NALF1: variants seen among roughly 807,000 people sequenced by gnomAD.
The protein encoded by NALF1 is family with sequence similarity 155 member A.
In NALF1, 3 loss-of-function variants were observed where a neutral mutation model predicts 48.4. The ratio of observed to expected loss-of-function variants is 0.06; its 90% confidence interval spans 0.03 to 0.16. The LOEUF is 0.16. Ranked by LOEUF, NALF1 falls within the 10% of genes least tolerant of loss-of-function variation. The pLI is 1.00. For missense variants in NALF1, 526 were observed against 571.5 expected (o/e 0.92, Z 0.81); for synonymous variants, 262 against 245.7 (o/e 1.07, Z -0.62).
intron 1 of NALF1, among the ~76,000 whole-genome samples, chr13:107,343,908 A>T (rs925028582): frequency 3.3e-5 from 5 of 152,098 alleles, no homozygotes; most frequent in African/African-American, 1.2e-4. Context: ...AAAAAATTAA[A>T]CACAGAGTTT....
chr13:107,737,632 G>A (rs1285869972), intron 1 of NALF1, among the ~76,000 whole-genome samples: 4 of 152,134 alleles, frequency 2.6e-5, no homozygotes, highest in Admixed American at 6.6e-5. Context: ...TAAATTTTAC[G>A]TAGCTTCATT....
At chr13:107,326,971 C>T (rs1882376012) in intron 1 of NALF1, among the ~76,000 whole-genome samples, 1 of 152,028 alleles carries the variant, frequency 6.6e-6, no homozygotes, top group Non-Finnish European at 1.5e-5. Context: ...TAGAGGATTC[C>T]CTCACATGAT....
chr13:107,727,668 A>G (rs566896848), intron 1 of NALF1, among the ~76,000 whole-genome samples: 1 of 152,342 alleles, frequency 6.6e-6, no homozygotes, highest in East Asian at 1.9e-4. Context: ...CAAAAGCCAA[A>G]ATTGAGAAAT....
intron 1 of NALF1, among the ~76,000 whole-genome samples, chr13:107,556,812 AT>A (rs1458300921): frequency 2.0e-5 from 3 of 152,146 alleles, no homozygotes; most frequent in Non-Finnish European, 4.4e-5. Context: ...GGCTCTGCTT[AT>A]CTGTCAAGTG....
chr13:107,348,320 A>G (rs1882810270), intron 1 of NALF1, among the ~76,000 whole-genome samples: 1 of 152,252 alleles, frequency 6.6e-6, no homozygotes, highest in Non-Finnish European at 1.5e-5. Context: ...TTTCATTTGC[A>G]TTAAAAGTGT....
chr13:107,800,253 A>C (rs1878564639), intron 1 of NALF1, among the ~76,000 whole-genome samples: 1 of 152,176 alleles, frequency 6.6e-6, no homozygotes, highest in Admixed American at 6.6e-5. Flanking sequence ...ATGAAAATTA[A>C]AGACTGAGCA....
chr13:107,226,527 T>C (rs1880111012), intron 1 of NALF1, among the ~76,000 whole-genome samples: 1 of 152,202 alleles, frequency 6.6e-6, no homozygotes, highest in Non-Finnish European at 1.5e-5. Flanking sequence ...ACAAAATGAG[T>C]ACATGACAAA....
At chr13:107,271,776 A>C (rs1331850742) in intron 1 of NALF1, among the ~76,000 whole-genome samples, 8 of 10,242 alleles carry the variant, frequency 7.8e-4, no homozygotes, top group South Asian at 4.7e-3. Flanking sequence ...CTACTGGACT[A>C]TATATATATA....
At chr13:107,623,471 C>T (rs930566649) in intron 1 of NALF1, among the ~76,000 whole-genome samples, 34 of 151,968 alleles carry the variant, frequency 2.2e-4, no homozygotes, top group Admixed American at 1.8e-3. Context: ...ATTACTCCCC[C>T]TGAGCCATCT....
At chr13:107,182,033 C>A (rs1232017906) in intron 2 of NALF1, among the ~76,000 whole-genome samples, 1 of 151,884 alleles carries the variant, frequency 6.6e-6, no homozygotes, top group Admixed American at 6.6e-5. Flanking sequence ...CTCTGTATCA[C>A]ATTCTTTATC....
At chr13:107,500,819 T>C (rs905956839) in intron 1 of NALF1, among the ~76,000 whole-genome samples, 2 of 151,718 alleles carry the variant, frequency 1.3e-5, no homozygotes, top group African/African-American at 2.4e-5. Flanking sequence ...ATGGATGAAA[T>C]TGGAAATCAT....
In NALF1 at chr13:107,672,517, A is replaced by G. The variant is rs9559134; in HGVS notation, c.915+193165T>C. Among the ~76,000 whole-genome samples, 2,788 of 152,200 alleles carry G rather than the reference A, an allele frequency of 0.018. 147 individuals are homozygous for G. The East Asian group carries it at 0.2, about 11-fold the overall frequency. On this transcript the variant is annotated intron_variant, in intron 1 of 2. Transcript: ENST00000375915. ...GCACCACTGTGTAGAAAGAAAACTG[A>G]TATCAGAGAAGATACTGGGCGAGAA...
At chr13:107,653,823 A>T (rs910607381) in intron 1 of NALF1, among the ~76,000 whole-genome samples, 2 of 152,154 alleles carry the variant, frequency 1.3e-5, no homozygotes, top group African/African-American at 4.8e-5. Context: ...AAATAAAAAT[A>T]AAAAGTTTAA....
chr13:107,467,990 G>A (rs1885035162), intron 1 of NALF1, among the ~76,000 whole-genome samples: 1 of 150,978 alleles, frequency 6.6e-6, no homozygotes, highest in Non-Finnish European at 1.5e-5. Flanking sequence ...GGAGCTTGCA[G>A]TGAACTGAGA....
At chr13:107,320,045 T>C (rs1882224126) in intron 1 of NALF1, among the ~76,000 whole-genome samples, 1 of 152,114 alleles carries the variant, frequency 6.6e-6, no homozygotes, top group South Asian at 2.1e-4. Context: ...ACTTCAAGCC[T>C]CTTGGTAAAA....
intron 1 of NALF1, among the ~76,000 whole-genome samples, chr13:107,266,926 C>T (rs1456669788): frequency 6.6e-6 from 1 of 152,154 alleles, no homozygotes; most frequent in East Asian, 1.9e-4. Flanking sequence ...ATGTACAGTA[C>T]AGCCTGGCTT....
intron 1 of NALF1, among the ~76,000 whole-genome samples, chr13:107,650,986 C>A (rs1880438210): frequency 2.0e-5 from 3 of 151,878 alleles, no homozygotes; most frequent in South Asian, 2.1e-4. Flanking sequence ...GGGCTTAGTA[C>A]CTGGGTGATA....
At chr13:107,676,434 A>T (rs1881124810) in intron 1 of NALF1, among the ~76,000 whole-genome samples, 1 of 152,160 alleles carries the variant, frequency 6.6e-6, no homozygotes, top group Admixed American at 6.5e-5. Flanking sequence ...ATAGTATAAA[A>T]ATATGTGGCA....
At chr13:107,399,899 A>G (rs1883775569) in intron 1 of NALF1, among the ~76,000 whole-genome samples, 1 of 152,180 alleles carries the variant, frequency 6.6e-6, no homozygotes, top group Admixed American at 6.5e-5. Flanking sequence ...GAAAAAATGA[A>G]TTATTTACAT....
Sources: allele counts gnomAD v4.1 joint callset (sites outside exome capture counted in the v4.1 genomes callset), GRCh38; gene constraint gnomAD v4.1.1; transcripts MANE v1.5; gene names NCBI Gene and HGNC (gene_info 2026-07-23, HGNC 2026-07-21).